Variants in BTBD1 observed in about 807,000 individuals in gnomAD.
The protein encoded by BTBD1 is BTB/POZ domain-containing protein 1.
In BTBD1, 34 loss-of-function variants were observed where a neutral mutation model predicts 48.0. That is an observed-to-expected ratio of 0.71 (90% CI 0.54 to 0.94). BTBD1 has a LOEUF of 0.94. Ranked by LOEUF, BTBD1 falls within the 40% of genes least tolerant of loss-of-function variation. The pLI is 0.00. For synonymous variants in BTBD1, 261 were observed against 242.1 expected (o/e 1.08, Z -0.72); for missense variants, 543 against 625.6 (o/e 0.87, Z 1.41).
chr15:83,046,064 C>G (rs954347717), intron 3 of BTBD1, among the ~76,000 whole-genome samples: 1 of 152,042 alleles, frequency 6.6e-6, no homozygotes, highest in African/African-American at 2.4e-5. Flanking sequence ...GCTCCTGAAG[C>G]CAGCCCTTTC....
intron 2 of BTBD1, among the ~76,000 whole-genome samples, chr15:83,052,789 C>T (rs1317022516): frequency 7.5e-6 from 1 of 133,094 alleles, no homozygotes; most frequent in Admixed American, 7.8e-5. Flanking sequence ...CACCACCTCG[C>T]CCGGCTAATT....
chr15:83,067,172 C>A lies in BTBD1; in HGVS notation c.-21G>T. The A allele has an allele frequency of 4.3e-6, 6 of 1,407,536 alleles. No homozygotes were observed. The highest frequency in any genetic ancestry group is 5.5e-6 in the Non-Finnish European group (6 of 1,084,996). 87.2% of individuals were successfully genotyped at this position (1,407,536 alleles called of 1,614,324 possible). On this transcript the variant is annotated 5_prime_UTR_variant, in exon 1 of 8. Transcript: ENST00000261721. ...GCCATCCTCCAGCTGCGCGGTTGCC[C>A]ACGTTATGGACAAAACTCCGCCGCC... is the stretch of plus-strand genomic sequence containing the variant.
At chr15:83,033,665 G>A (rs1208010458) in intron 4 of BTBD1, among the ~76,000 whole-genome samples, 1 of 152,094 alleles carries the variant, frequency 6.6e-6, no homozygotes, top group Non-Finnish European at 1.5e-5. Context: ...CTGCAGCCTT[G>A]AACTCCTGGG....
rs572947871 is a variant in BTBD1, at chr15:83,065,090, C to T, written c.401+1661G>A. Among the ~76,000 whole-genome samples, 6 of 152,258 alleles carry T rather than the reference C, an allele frequency of 3.9e-5. No individual in the cohort carries two copies. The South Asian group carries it at 1.2e-3, about 32-fold the overall frequency. ...GTCATATTTAGTGACTGCATTATATCTCATCAAGTGAACCTACCACTGTTT... is the reference window on the plus strand; with the variant it reads ...GTCATATTTAGTGACTGCATTATATTTCATCAAGTGAACCTACCACTGTTT... On this transcript the variant is annotated intron_variant, in intron 1 of 7. Transcript: ENST00000261721.
At chr15:83,051,964 ACTCT>A (rs927250240) in intron 2 of BTBD1, among the ~76,000 whole-genome samples, 8 of 148,204 alleles carry the variant, frequency 5.4e-5, no homozygotes, top group African/African-American at 2.0e-4. Flanking sequence ...ATGGCCTTTT[ACTCT>A]CTTTTTTAGT....
rs2151317549 is a variant in BTBD1, at chr15:83,067,099, G to A, written c.53C>T (p.Ala18Val). The A allele has an allele frequency of 1.3e-6, 2 of 1,498,874 alleles. No homozygotes were observed. Among genetic ancestry groups the A allele is most frequent in the East Asian group, 5.4e-5 (2 of 36,724 alleles). 92.8% of individuals were successfully genotyped at this position (1,498,874 alleles called of 1,614,324 possible). ...AAGEQASGAE[A>V]EPGPAGPPPP... ...CGGCGGCCCCGCGGGGCCCGGCTCCGCCTCAGCCCCCGACGCCTGCTCCCC... is the reference window on the plus strand; with the variant it reads ...CGGCGGCCCCGCGGGGCCCGGCTCCACCTCAGCCCCCGACGCCTGCTCCCC... Residue 18 changes from alanine to valine, a missense_variant, in exon 1 of 8, where the codon GCG becomes GTG. Physicochemically the swap from Ala to Val is moderately conservative, Grantham distance 64. Transcript: ENST00000261721.
chr15:83,028,531 T>A (rs1251305455), intron 5 of BTBD1: 1 of 152,132 alleles, frequency 6.6e-6, no homozygotes, highest in East Asian at 1.9e-4. Flanking sequence ...AGGGTTATGC[T>A]TCCTTCAATA....
chr15:83,051,381 T>C (rs2032978182), intron 2 of BTBD1, among the ~76,000 whole-genome samples: 1 of 151,846 alleles, frequency 6.6e-6, no homozygotes, highest in Non-Finnish European at 1.5e-5. Context: ...AACTGATAAA[T>C]ATCTAAACAA....
intron 3 of BTBD1, among the ~76,000 whole-genome samples, chr15:83,046,726 C>T (rs529084970): frequency 6.6e-6 from 1 of 152,160 alleles, no homozygotes; most frequent in Non-Finnish European, 1.5e-5. Context: ...GTTTAGGGCT[C>T]TCAAATATCC....
chr15:83,067,175 G>C lies in BTBD1; in HGVS notation c.-24C>G, dbSNP rs1288149376. On this transcript the variant is annotated 5_prime_UTR_variant, in exon 1 of 8. Coordinates refer to ENST00000261721, the MANE Select transcript of BTBD1 (RefSeq NM_025238.4). ...ATCCTCCAGCTGCGCGGTTGCCCACGTTATGGACAAAACTCCGCCGCCATC... is the reference window on the plus strand; with the variant it reads ...ATCCTCCAGCTGCGCGGTTGCCCACCTTATGGACAAAACTCCGCCGCCATC... The C allele has an allele frequency of 2.9e-6, 4 of 1,392,552 alleles. No homozygotes were observed. Among genetic ancestry groups the C allele is most frequent in the African/African-American group, 1.5e-5 (1 of 66,434 alleles). 86.3% of individuals were successfully genotyped at this position (1,392,552 alleles called of 1,614,324 possible). A position where few individuals can be genotyped will look rare whatever the true frequency, so the allele number is the denominator to read the frequency against.
intron 4 of BTBD1, among the ~76,000 whole-genome samples, chr15:83,036,335 G>A (rs997004527): frequency 2.0e-5 from 3 of 152,148 alleles, no homozygotes; most frequent in Non-Finnish European, 4.4e-5. Flanking sequence ...TTAATCATCC[G>A]TGATATGAAA....
At position 83,018,186 on chromosome 15, in the gene BTBD1, C is replaced by T. The variant is rs1204159151; in HGVS notation, c.1330G>A (p.Val444Ile). Residue 444 changes from valine (V) to isoleucine (I), a missense_variant, in exon 8 of 8, where the codon GTA (valine) becomes ATA (isoleucine). Val to Ile is a conservative substitution (Grantham distance 29). Transcript: ENST00000261721. Reference sequence around the variant, plus strand: ...CTTGCAGCAGGTGTCTCATGCACTACTTTCTTCAATCCTTTTGTGCCATAG... The same window carrying T: ...CTTGCAGCAGGTGTCTCATGCACTATTTTCTTCAATCCTTTTGTGCCATAG... ...SHYGTKGLKK[V>I]VHETPAASKT... 1.9e-6 allele frequency: 3 copies of T among 1,608,580 alleles called. No homozygotes were observed. The African/African-American group carries it at 4.0e-5, about 22-fold the overall frequency.
chr15:83,026,750 G>C (rs1442746846), intron 5 of BTBD1, among the ~76,000 whole-genome samples: 1 of 151,864 alleles, frequency 6.6e-6, no homozygotes, highest in Non-Finnish European at 1.5e-5. Context: ...TCGAGCTCCC[G>C]ACCTGAGGTG....
chr15:83,030,454 T>C (rs2032494797), intron 4 of BTBD1, 126 bp from the exon 5 acceptor site: 1 of 728,562 alleles, frequency 1.4e-6, no homozygotes, highest in Non-Finnish European at 2.3e-6. Context: ...AATCTTAGCA[T>C]ATATAATTTT....
At chr15:83,064,466 T>A (rs1255423807) in intron 1 of BTBD1, among the ~76,000 whole-genome samples, 2 of 152,196 alleles carry the variant, frequency 1.3e-5, no homozygotes, top group African/African-American at 4.8e-5. Flanking sequence ...AAAATTAACT[T>A]ACTTTCTATT....
intron 3 of BTBD1, among the ~76,000 whole-genome samples, chr15:83,045,455 G>A (rs1384169267): frequency 2.0e-5 from 3 of 152,006 alleles, no homozygotes; most frequent in African/African-American, 4.8e-5. Flanking sequence ...TCAAGATCAC[G>A]CCACTGCACT....
intron 5 of BTBD1, among the ~76,000 whole-genome samples, chr15:83,025,206 TAGCCA>T (rs1219680369): frequency 6.6e-6 from 1 of 151,484 alleles, no homozygotes; most frequent in Non-Finnish European, 1.5e-5. Context: ...ATACAAAAAC[TAGCCA>T]GGCATGGTGG....
chr15:83,041,263 T>C (rs1038784158), intron 4 of BTBD1, among the ~76,000 whole-genome samples: 2 of 151,784 alleles, frequency 1.3e-5, no homozygotes, highest in African/African-American at 4.8e-5. Flanking sequence ...ATGTGGATAA[T>C]ATAATTTTGA....
rs1020733419 is a variant in BTBD1 at position 83,030,067 on chromosome 15, A to G, written c.1055+69T>C. ...AAATGTTGGTTAATTATCTCCCATA[A>G]TATATAAAAAAGGCCAAATGGTAAC... On this transcript the variant is annotated intron_variant, in intron 5 of 7. Coordinates refer to ENST00000261721, the MANE Select transcript of BTBD1 (RefSeq NM_025238.4). The G allele has an allele frequency of 9.2e-6, 12 of 1,306,538 alleles. No homozygotes were observed. The Admixed American group carries it at 1.9e-4, about 21-fold the overall frequency. The allele number at this position is 1,306,538 out of a possible 1,614,324, so 80.9% of individuals were successfully genotyped here.
Sources: gnomAD v4.1 joint callset for allele counts (sites outside exome capture counted in the v4.1 genomes callset) on GRCh38, gnomAD v4.1.1 for gene constraint, MANE v1.5 for transcripts, NCBI Gene and HGNC (gene_info 2026-07-23, HGNC 2026-07-21) for gene names.